The following RNF214 variants were observed in gnomAD, a reference collection of about 807,000 sequenced individuals.
RNF214 encodes the protein ring finger protein 214.
A neutral mutation model predicts 75.9 loss-of-function variants in RNF214; 25 were observed. That is an observed-to-expected ratio of 0.33 (90% CI 0.24 to 0.46). The LOEUF is 0.46. RNF214 is among the 20% of genes least tolerant of loss of function. The pLI, the probability that RNF214 is intolerant of heterozygous loss-of-function variation, is 1.00. For synonymous variants in RNF214, 314 were observed against 308.8 expected (o/e 1.02, Z -0.18); for missense variants, 725 against 857.5 (o/e 0.85, Z 1.93).
At chr11:117,270,270 G>A (rs1432787789) in intron 6 of RNF214, among the ~76,000 whole-genome samples, 2 of 77,416 alleles carry the variant, frequency 2.6e-5, no homozygotes, top group African/African-American at 1.1e-4. Context: ...TTTTTTTTGA[G>A]TCAGGGTCTT....
intron 6 of RNF214, among the ~76,000 whole-genome samples, chr11:117,271,861 T>C (rs2033917791): frequency 6.6e-6 from 1 of 152,140 alleles, no homozygotes; most frequent in Non-Finnish European, 1.5e-5. Context: ...CGCTGCATCA[T>C]ACAGGCTGTA....
chr11:117,258,709 T>TA (rs1478652670), intron 6 of RNF214, among the ~76,000 whole-genome samples: 1 of 152,240 alleles, frequency 6.6e-6, no homozygotes, highest in Admixed American at 6.5e-5. Flanking sequence ...CCCATCAAGA[T>TA]ATATAAAATA....
intron 2 of RNF214, among the ~76,000 whole-genome samples, chr11:117,237,630 A>G (rs868625242): frequency 1.3e-5 from 2 of 152,236 alleles, no homozygotes; most frequent in Non-Finnish European, 2.9e-5. Flanking sequence ...ACCTCACTTC[A>G]GCCTGGGTGA....
chr11:117,266,849 T>C (rs2033805940), intron 6 of RNF214, among the ~76,000 whole-genome samples: 2 of 120,170 alleles, frequency 1.7e-5, no homozygotes, highest in Non-Finnish European at 3.2e-5. Context: ...TTATTTTCTT[T>C]CTTCTTTTTC....
At chr11:117,282,655 T>C (rs1276991520) in intron 12 of RNF214, 91 bp from the exon 13 acceptor site, 2 of 1,551,112 alleles carry the variant, frequency 1.3e-6, no homozygotes, top group African/African-American at 1.4e-5. Flanking sequence ...TCTGCTTTTT[T>C]CCTTTCCTGG....
At chr11:117,249,649 C>G (rs2033318091) in intron 6 of RNF214, among the ~76,000 whole-genome samples, 1 of 152,184 alleles carries the variant, frequency 6.6e-6, no homozygotes, top group African/African-American at 2.4e-5. Context: ...TTTTACAGTT[C>G]TTGGAGGCTG....
intron 6 of RNF214, among the ~76,000 whole-genome samples, chr11:117,255,299 A>G (rs1204975737): frequency 1.3e-5 from 2 of 151,952 alleles, no homozygotes; most frequent in African/African-American, 2.4e-5. Flanking sequence ...CTATAATTCT[A>G]CCTGTGTGTG....
rs987772166 is a variant in RNF214, at chr11:117,285,109, C to A, written c.2070C>A (p.Thr690=). The A allele has an allele frequency of 6.2e-7, 1 of 1,612,668 alleles. No individual in the cohort carries two copies. The highest frequency in any genetic ancestry group is 8.5e-7 in the Non-Finnish European group (1 of 1,178,852). ...HKECIKFWAQ[T]NTNDTCPFCP... is the part of the protein sequence containing the mutation. Reference sequence around the variant, plus strand: ...AGTGTATCAAATTCTGGGCCCAGACCAACACAAATGACACTTGTCCCTTTT... The same window carrying A: ...AGTGTATCAAATTCTGGGCCCAGACAAACACAAATGACACTTGTCCCTTTT... Residue 690 remains threonine (T), a synonymous_variant, in exon 15 of 15, where the codon ACC becomes ACA. Transcript: ENST00000300650.
At position 117,238,577 on chromosome 11, in the gene RNF214, CTTTTT is replaced by C; in HGVS notation, c.108-23_108-19del. 6.3e-7 allele frequency: 1 copy of C among 1,576,804 alleles called. No individual in the cohort carries two copies. On this transcript the variant is annotated intron_variant, in intron 2 of 14. Coordinates refer to ENST00000300650, the MANE Select transcript of RNF214 (RefSeq NM_207343.4). ...TAGGTTGAAAGTATTATATACTTTT[CTTTTT>C]ATCTTGTGTGTTTGATAGCACCAAA...
At chr11:117,275,675 C>A (rs1380429436) in intron 6 of RNF214, among the ~76,000 whole-genome samples, 1 of 152,138 alleles carries the variant, frequency 6.6e-6, no homozygotes, top group Non-Finnish European at 1.5e-5. Context: ...CACAACCCCC[C>A]AAGCTTGAAC....
intron 3 of RNF214, 107 bp downstream of exon 3, chr11:117,239,218 T>C: frequency 8.6e-7 from 1 of 1,164,958 alleles, no homozygotes; most frequent in Non-Finnish European, 1.2e-6. Context: ...TTGTTTTGTT[T>C]TTTGTTTTTT....
intron 4 of RNF214, among the ~76,000 whole-genome samples, chr11:117,242,778 C>T (rs1266104256): frequency 1.3e-5 from 2 of 152,134 alleles, no homozygotes; most frequent in South Asian, 2.1e-4. Context: ...TGCTTGAACT[C>T]GGGAGGCGGA....
chr11:117,250,574 C>G (rs1472481824), intron 6 of RNF214, among the ~76,000 whole-genome samples: 1 of 150,244 alleles, frequency 6.7e-6, no homozygotes. Context: ...GACAGGTAGA[C>G]ATTCATTTTA....
chr11:117,240,667 A>C (rs2033054058), intron 4 of RNF214, among the ~76,000 whole-genome samples: 1 of 151,938 alleles, frequency 6.6e-6, no homozygotes. Flanking sequence ...CAGCCTGGAC[A>C]ACAGAGAAGC....
intron 1 of RNF214, among the ~76,000 whole-genome samples, chr11:117,233,916 T>C (rs1338746939): frequency 1.3e-5 from 2 of 152,340 alleles, no homozygotes; most frequent in East Asian, 3.9e-4. Context: ...ACGTCTTTTA[T>C]TAAAAATGAT....
intron 6 of RNF214, among the ~76,000 whole-genome samples, chr11:117,270,308 A>C (rs1432343972): frequency 5.3e-5 from 7 of 131,584 alleles, no homozygotes; most frequent in Non-Finnish European, 1.1e-4. Context: ...TCCAGGCTGC[A>C]GTATAGTAGC....
intron 14 of RNF214, among the ~76,000 whole-genome samples, chr11:117,283,761 A>G (rs2034179692): frequency 6.6e-6 from 1 of 152,090 alleles, no homozygotes; most frequent in African/African-American, 2.4e-5. Flanking sequence ...CCTAGGCTCA[A>G]GGTGCTTCAG....
At chr11:117,266,753 C>T (rs1486520489) in intron 6 of RNF214, among the ~76,000 whole-genome samples, 2 of 151,908 alleles carry the variant, frequency 1.3e-5, no homozygotes, top group Non-Finnish European at 2.9e-5. Flanking sequence ...GTGAGTTAGA[C>T]CTTTTGATAT....
chr11:117,244,064 C>T (rs2033148481), intron 4 of RNF214, among the ~76,000 whole-genome samples: 1 of 152,222 alleles, frequency 6.6e-6, no homozygotes, highest in African/African-American at 2.4e-5. Context: ...TCACTGTAAC[C>T]TCTGCCTCCC....
Sources: allele counts gnomAD v4.1 joint callset (sites outside exome capture counted in the v4.1 genomes callset), GRCh38; gene constraint gnomAD v4.1.1; transcripts MANE v1.5; gene names NCBI Gene and HGNC (gene_info 2026-07-23, HGNC 2026-07-21).